The following RIOK3 variants were observed in gnomAD, a reference collection of about 807,000 sequenced individuals.
The protein encoded by RIOK3 is RIO kinase 3.
RIOK3 carries 40 observed loss-of-function variants against 63.5 expected under a neutral mutation model. That is an observed-to-expected ratio of 0.63 (90% confidence interval 0.49 to 0.82). RIOK3 has a LOEUF of 0.82. Ranked by LOEUF, RIOK3 falls within the 40% of genes least tolerant of loss-of-function variation. The pLI is 0.00. For synonymous variants in RIOK3, 193 were observed against 205.0 expected, an observed-to-expected ratio of 0.94 and a Z score of 0.50; for missense variants, 557 against 637.0, an observed-to-expected ratio of 0.87 and a Z score of 1.35.
intron 12 of RIOK3, 27 bp from the exon 13 acceptor site, chr18:23,481,145 A>G: frequency 6.9e-7 from 1 of 1,458,496 alleles, no homozygotes; most frequent in Non-Finnish European, 9.6e-7. Context: ...GATTTTGACA[A>G]ATGGATTCAA....
intron 1 of RIOK3, among the ~76,000 whole-genome samples, chr18:23,457,899 CT>C (rs551826447): frequency 1.7e-3 from 246 of 143,274 alleles, no homozygotes; most frequent in South Asian, 5.1e-3. Flanking sequence ...TGCTGGTTTT[CT>C]TTTTTTTTTT....
intron 9 of RIOK3, among the ~76,000 whole-genome samples, chr18:23,475,984 A>G (rs2145700026): frequency 7.8e-6 from 1 of 128,880 alleles, no homozygotes; most frequent in African/African-American, 3.0e-5. Flanking sequence ...ACAGGGTCTC[A>G]CTATGTTGCC....
chr18:23,462,323 T>G (rs1183094937), intron 1 of RIOK3, among the ~76,000 whole-genome samples: 1 of 151,756 alleles, frequency 6.6e-6, no homozygotes, highest in Non-Finnish European at 1.5e-5. Context: ...GTATTTCTGG[T>G]AGAGATGGGG....
Position 23,473,432 on chromosome 18 carries a change from G to A in RIOK3, c.819G>A (p.Met273Ile), listed in dbSNP as rs1482862843. 2 of 1,601,228 alleles carry A rather than the reference G, an allele frequency of 1.2e-6. No individual in the cohort carries two copies. Among genetic ancestry groups the A allele is most frequent in the Admixed American group, 1.7e-5 (1 of 59,036 alleles). ...SVVFHAYGGS[M>I]EDEKEDSKVI... The stretch of plus-strand genomic sequence containing the variant: ...TGATTTTTTTTCTTCCACTTAGCAT[G>A]GAGGATGAAAAGGAAGATAGTAAAG... The change falls in exon 8 of 13, where the codon ATG (methionine) becomes ATA (isoleucine). Residue 273 changes from methionine (M) to isoleucine (I), a missense_variant. Transcript: ENST00000339486.
At chr18:23,475,254 A>C (rs1281601292) in intron 9 of RIOK3, 147 bp downstream of exon 9, 2 of 609,180 alleles carry the variant, frequency 3.3e-6, no homozygotes, top group Non-Finnish European at 5.7e-6. Context: ...GGATCACTTG[A>C]GCCCAGGAGT....
intron 1 of RIOK3, among the ~76,000 whole-genome samples, chr18:23,457,934 G>A (rs1276577839): frequency 2.0e-5 from 3 of 150,436 alleles, no homozygotes; most frequent in Non-Finnish European, 4.4e-5. Flanking sequence ...TCACTCTATC[G>A]CCCAGGCTGG....
chr18:23,463,897 ACT>A, intron 2 of RIOK3, 68 bp from the exon 3 acceptor site: 1 of 1,311,394 alleles, frequency 7.6e-7, no homozygotes, highest in Non-Finnish European at 1.1e-6. Flanking sequence ...GGCACCTCCT[ACT>A]CTCATAATTG....
chr18:23,464,339 G>C (rs770135986), intron 4 of RIOK3, 26 bp downstream of exon 4: 1 of 1,506,320 alleles, frequency 6.6e-7, no homozygotes, highest in Admixed American at 1.7e-5. Context: ...CTTTCTGGGG[G>C]CAGCAGAATA....
rs900413108 is a variant in RIOK3 at position 23,475,089 on chromosome 18, C to T, written c.1155C>T (p.Ala385=). Residue 385 remains alanine (A), a synonymous_variant, in exon 9 of 13, where the codon GCC becomes GCT. Coordinates refer to ENST00000339486, the MANE Select transcript of RIOK3 (RefSeq NM_003831.5). ...VKLNSEEMKE[A]YYQTLHLMRQ... ...TCAATAGTGAAGAAATGAAAGAAGCCTACTATCAAACTCTTCATGTAAGTT... is the reference window on the plus strand; with the variant it reads ...TCAATAGTGAAGAAATGAAAGAAGCTTACTATCAAACTCTTCATGTAAGTT... The T allele has an allele frequency of 3.7e-6, 6 of 1,611,618 alleles. No individual in the cohort carries two copies. The highest frequency in any genetic ancestry group is 5.1e-6 in the Non-Finnish European group (6 of 1,178,814).
chr18:23,474,832 A>C, intron 8 of RIOK3, 116 bp from the exon 9 acceptor site: 1 of 720,912 alleles, frequency 1.4e-6, no homozygotes, highest in Non-Finnish European at 2.3e-6. Context: ...TTCCCACATC[A>C]CCAGGGTAGA....
At chr18:23,463,220 TG>T in intron 2 of RIOK3, 141 bp downstream of exon 2, 1 of 535,274 alleles carries the variant, frequency 1.9e-6, no homozygotes, top group South Asian at 2.7e-5. Context: ...ACTTGAATTT[TG>T]GTCCTGATTT....
At chr18:23,475,687 T>C (rs917995738) in intron 9 of RIOK3, among the ~76,000 whole-genome samples, 1 of 152,158 alleles carries the variant, frequency 6.6e-6, no homozygotes, top group Non-Finnish European at 1.5e-5. Flanking sequence ...TTCAAGGTGC[T>C]ATAACAAAGA....
At chr18:23,476,307 G>A (rs1282223013) in intron 9 of RIOK3, among the ~76,000 whole-genome samples, 1 of 152,138 alleles carries the variant, frequency 6.6e-6, no homozygotes, top group Non-Finnish European at 1.5e-5. Context: ...ATCCCTCTGT[G>A]TTTTAATTGA....
At position 23,481,265 on chromosome 18, in the gene RIOK3, C is replaced by T; in HGVS notation, c.1546C>T (p.Leu516=). 6.3e-7 allele frequency: 1 copy of T among 1,597,610 alleles called. No homozygotes were observed. Among genetic ancestry groups the T allele is most frequent in the Non-Finnish European group, 8.6e-7 (1 of 1,168,382 alleles). The change falls in exon 13 of 13, where the codon CTA becomes TTA. Residue 516 remains leucine, a synonymous_variant. Transcript: ENST00000339486. ...FLKDDGDPPL[L]YDE is the part of the protein sequence containing the mutation. The stretch of plus-strand genomic sequence containing the variant: ...GAAAGATGATGGAGACCCACCACTA[C>T]TATATGATGAATAGCACTAATACCC...
At chr18:23,480,551 G>GCATGCACACACA (rs1555621674) in intron 12 of RIOK3, among the ~76,000 whole-genome samples, 1 of 46,846 alleles carries the variant, frequency 2.1e-5, no homozygotes, top group African/African-American at 7.9e-5. Flanking sequence ...ATACTTGGAT[G>GCATGCACACACA]CACGCACACA....
chr18:23,461,481 C>T (rs1645157793), intron 1 of RIOK3, among the ~76,000 whole-genome samples: 1 of 152,166 alleles, frequency 6.6e-6, no homozygotes, highest in African/African-American at 2.4e-5. Flanking sequence ...GAAAGTAACC[C>T]AGCGAATGGG....
chr18:23,479,041 A>G, intron 11 of RIOK3: 1 of 321,056 alleles, frequency 3.1e-6, no homozygotes, highest in Admixed American at 4.0e-5. Context: ...TAGTGGCTCA[A>G]GAGATCCTCC....
intron 4 of RIOK3, 68 bp from the exon 5 acceptor site, chr18:23,464,451 A>T (rs938960365): frequency 8.2e-7 from 1 of 1,213,150 alleles, no homozygotes; most frequent in African/African-American, 1.5e-5. Flanking sequence ...GTCTTTTCAG[A>T]CAACGTTGAA....
rs757351060 is a variant in RIOK3 at position 23,458,345 on chromosome 18, G to T, written c.64-4619G>T. The stretch of plus-strand genomic sequence containing the variant: ...TTCCCCACTAATGTGCAGCCAGGCA[G>T]GTGGGGGAGAATGCGGTAGTAGTGA... On this transcript the variant is annotated intron_variant, in intron 1 of 12. Coordinates refer to ENST00000339486, the MANE Select transcript of RIOK3 (RefSeq NM_003831.5). Among the ~76,000 whole-genome samples, 11 of 152,160 alleles carry T rather than the reference G, an allele frequency of 7.2e-5. No individual in the cohort carries two copies. In the East Asian group the frequency reaches 2.1e-3, roughly 29 times the overall value.
Sources: gnomAD v4.1 joint callset for allele counts (sites outside exome capture counted in the v4.1 genomes callset) on GRCh38, gnomAD v4.1.1 for gene constraint, MANE v1.5 for transcripts, NCBI Gene and HGNC (gene_info 2026-07-23, HGNC 2026-07-21) for gene names.